The following ACSS3 variants were observed in gnomAD, a reference collection of about 807,000 sequenced individuals.
ACSS3 encodes acyl-CoA synthetase short-chain family member 3, mitochondrial.
ACSS3 carries 64 observed loss-of-function variants against 84.2 expected under a neutral mutation model. The observed-to-expected ratio is 0.76, with a 90% CI of 0.62 to 0.94. ACSS3 has a LOEUF of 0.94. Ranked by LOEUF, ACSS3 falls within the 40% of genes least tolerant of loss-of-function variation. The pLI, the probability that ACSS3 is intolerant of heterozygous loss-of-function variation, is 0.00. For synonymous variants in ACSS3, 317 were observed against 310.1 expected, an observed-to-expected ratio of 1.02 and a Z score of -0.23; for missense variants, 815 against 867.6, an observed-to-expected ratio of 0.94 and a Z score of 0.76.
chr12:81,231,146 C>G lies in ACSS3; in HGVS notation c.1596+8C>G, dbSNP rs1170870526. On this transcript the variant is annotated splice_region_variant and intron_variant, in intron 12 of 15. Transcript: ENST00000548058. ...TACTTTGAAAAATTTCCTGTAAGAA[C>G]TTTAATATGCTTTTTTATCTTCTTA... 2 of 1,576,036 alleles carry G rather than the reference C, an allele frequency of 1.3e-6. No individual in the cohort carries two copies. The highest frequency in any genetic ancestry group is 2.2e-5 in the East Asian group (1 of 44,486).
chr12:81,241,878 T>TGGC (rs1400136687), intron 13 of ACSS3, among the ~76,000 whole-genome samples: 3 of 152,338 alleles, frequency 2.0e-5, no homozygotes, highest in Non-Finnish European at 2.9e-5. Context: ...TTGTTGCCAT[T>TGGC]ACTTTTGGTG....
intron 9 of ACSS3, among the ~76,000 whole-genome samples, chr12:81,211,166 G>C (rs2032576151): frequency 6.6e-6 from 1 of 152,106 alleles, no homozygotes; most frequent in African/African-American, 2.4e-5. Context: ...GTTTTTGTAA[G>C]ATGGGGTTTC....
intron 9 of ACSS3, among the ~76,000 whole-genome samples, chr12:81,206,796 T>C (rs1009664209): frequency 1.3e-5 from 2 of 152,176 alleles, no homozygotes; most frequent in African/African-American, 2.4e-5. Context: ...TTTTGTCAAA[T>C]GTAAGGCATG....
At chr12:81,217,922 T>C (rs2032980011) in intron 10 of ACSS3, among the ~76,000 whole-genome samples, 1 of 152,180 alleles carries the variant, frequency 6.6e-6, no homozygotes, top group South Asian at 2.1e-4. Context: ...ATGCTGGCTT[T>C]ATGTGACTAA....
chr12:81,176,099 A>T (rs986351377), intron 8 of ACSS3, among the ~76,000 whole-genome samples: 2 of 152,162 alleles, frequency 1.3e-5, no homozygotes, highest in African/African-American at 4.8e-5. Flanking sequence ...TTGATAGGCC[A>T]CTAGCTAGAC....
intron 2 of ACSS3, among the ~76,000 whole-genome samples, chr12:81,120,422 C>A (rs567802219): frequency 7.2e-5 from 11 of 152,260 alleles, no homozygotes; most frequent in African/African-American, 2.4e-4. Context: ...AATGCATCAA[C>A]AATTTTCTGT....
intron 2 of ACSS3, among the ~76,000 whole-genome samples, chr12:81,117,481 G>A (rs925383592): frequency 1.3e-5 from 2 of 152,134 alleles, no homozygotes; most frequent in African/African-American, 4.8e-5. Flanking sequence ...GGGTGGGATA[G>A]GAACTATGTG....
intron 7 of ACSS3, among the ~76,000 whole-genome samples, chr12:81,173,283 GTAT>G: frequency 6.6e-6 from 1 of 152,124 alleles, no homozygotes. Flanking sequence ...GCAGCTTTTT[GTAT>G]TATTTGCATG....
intron 5 of ACSS3, among the ~76,000 whole-genome samples, chr12:81,143,875 G>T (rs931281151): frequency 3.3e-5 from 5 of 152,126 alleles, no homozygotes; most frequent in African/African-American, 1.2e-4. Context: ...TCATTGATGC[G>T]TCAAATAGCA....
At chr12:81,109,153 C>G (rs1883348969) in intron 1 of ACSS3, among the ~76,000 whole-genome samples, 1 of 152,172 alleles carries the variant, frequency 6.6e-6, no homozygotes, top group African/African-American at 2.4e-5. Context: ...CTATTTGCAG[C>G]AGGTACCAAA....
intron 5 of ACSS3, among the ~76,000 whole-genome samples, chr12:81,151,422 T>C (rs1007004441): frequency 4.6e-5 from 7 of 152,196 alleles, no homozygotes; most frequent in Non-Finnish European, 7.4e-5. Flanking sequence ...TATTTAATCA[T>C]CTTAAGAAAT....
At chr12:81,234,342 A>G (rs1321055294) in intron 13 of ACSS3, among the ~76,000 whole-genome samples, 1 of 151,426 alleles carries the variant, frequency 6.6e-6, no homozygotes, top group Non-Finnish European at 1.5e-5. Flanking sequence ...GCAATTATAA[A>G]TAGGGCTGTT....
chr12:81,163,928 T>A (rs1179844507), intron 7 of ACSS3, among the ~76,000 whole-genome samples: 1 of 152,176 alleles, frequency 6.6e-6, no homozygotes, highest in African/African-American at 2.4e-5. Flanking sequence ...TAAAGTAAAA[T>A]AGTTACAGTA....
intron 1 of ACSS3, among the ~76,000 whole-genome samples, chr12:81,079,435 A>G (rs1880832279): frequency 6.6e-6 from 1 of 152,116 alleles, no homozygotes; most frequent in Admixed American, 6.6e-5. Context: ...GGGGAATGAT[A>G]TGGTCAGGTT....
chr12:81,137,334 C>G (rs1229941464), intron 3 of ACSS3, among the ~76,000 whole-genome samples: 1 of 132,138 alleles, frequency 7.6e-6, no homozygotes, highest in East Asian at 2.0e-4. Context: ...CACACACACA[C>G]ACACACACAC....
chr12:81,190,714 G>A (rs975040942), intron 8 of ACSS3, among the ~76,000 whole-genome samples: 1 of 151,954 alleles, frequency 6.6e-6, no homozygotes, highest in Non-Finnish European at 1.5e-5. Flanking sequence ...CATTATTAAG[G>A]AAAATGATTT....
chr12:81,215,223 C>A (rs528369246), intron 9 of ACSS3, among the ~76,000 whole-genome samples: 1 of 152,250 alleles, frequency 6.6e-6, no homozygotes, highest in South Asian at 2.1e-4. Flanking sequence ...TCATAAAATA[C>A]CTTCCCCCCT....
At chr12:81,226,127 A>T (rs928321232) in intron 11 of ACSS3, among the ~76,000 whole-genome samples, 1 of 151,924 alleles carries the variant, frequency 6.6e-6, no homozygotes, top group Non-Finnish European at 1.5e-5. Flanking sequence ...CATTGAAATG[A>T]CAATCATGAG....
chr12:81,082,758 A>G (rs1165301032), intron 1 of ACSS3, among the ~76,000 whole-genome samples: 1 of 152,220 alleles, frequency 6.6e-6, no homozygotes, highest in Admixed American at 6.5e-5. Context: ...CTGGGTCAAT[A>G]CAGGCTTGAG....
Sources: gnomAD v4.1 joint callset for allele counts (sites outside exome capture counted in the v4.1 genomes callset) on GRCh38, gnomAD v4.1.1 for gene constraint, MANE v1.5 for transcripts, NCBI Gene and HGNC (gene_info 2026-07-23, HGNC 2026-07-21) for gene names.